Variants in MYO9B observed in about 807,000 individuals in gnomAD.
The protein encoded by MYO9B is unconventional myosin-IXb.
Under a neutral mutation model 229.5 loss-of-function variants are expected in MYO9B, and 71 were observed. The observed-to-expected ratio is 0.31, with a 90% confidence interval of 0.26 to 0.38. The LOEUF (loss-of-function observed/expected upper bound fraction) is 0.38, where lower values mean the gene tolerates loss of function less well. MYO9B is among the 10% of genes least tolerant of loss of function. The pLI is 1.00. For missense variants in MYO9B, 2,255 were observed against 2,920.5 expected, an observed-to-expected ratio of 0.77 and a Z score of 5.25; for synonymous variants, 1,185 against 1,235.8, an observed-to-expected ratio of 0.96 and a Z score of 0.86.
At chr19:17,209,847 C>A in intron 36 of MYO9B, 138 bp downstream of exon 36, 1 of 1,183,880 alleles carries the variant, frequency 8.4e-7, no homozygotes, top group Non-Finnish European at 1.2e-6. Context: ...GTGGGCAGGA[C>A]CTCCCATGCC....
chr19:17,091,145 T>C (rs1359722497), intron 1 of MYO9B, among the ~76,000 whole-genome samples: 2 of 152,132 alleles, frequency 1.3e-5, no homozygotes, highest in Non-Finnish European at 2.9e-5. Flanking sequence ...CAAAGGAGGC[T>C]CCCCAATCCA....
chr19:17,161,830 A>G (rs1021282155), intron 8 of MYO9B, among the ~76,000 whole-genome samples: 3 of 151,842 alleles, frequency 2.0e-5, no homozygotes, highest in Admixed American at 6.6e-5. Context: ...ATATATGTAT[A>G]TATTAAAAAT....
intron 6 of MYO9B, among the ~76,000 whole-genome samples, chr19:17,154,682 T>A (rs1157036505): frequency 6.6e-6 from 1 of 152,126 alleles, no homozygotes; most frequent in Non-Finnish European, 1.5e-5. Context: ...TTAGCCAGGC[T>A]CCACGTGGCT....
chr19:17,114,464 G>A (rs573377269), intron 2 of MYO9B, among the ~76,000 whole-genome samples: 10 of 152,050 alleles, frequency 6.6e-5, no homozygotes, highest in Non-Finnish European at 2.9e-5. Flanking sequence ...CACCGATGAT[G>A]AAGCGGCCCT....
At chr19:17,133,353 A>T (rs554726609) in intron 2 of MYO9B, among the ~76,000 whole-genome samples, 1 of 152,302 alleles carries the variant, frequency 6.6e-6, no homozygotes, top group Non-Finnish European at 1.5e-5. Flanking sequence ...ACCATGTTAT[A>T]CAATAGATCG....
chr19:17,183,803 C>A (rs552317831), intron 15 of MYO9B, 26 bp from the exon 16 acceptor site: 55 of 1,549,492 alleles, frequency 3.5e-5, no homozygotes, highest in Non-Finnish European at 9.6e-6. Context: ...CTTTTGTTCA[C>A]AAAACCATTT....
rs1310850291 is a variant in MYO9B, at chr19:17,075,822, C to A, written c.-111C>A. On this transcript the variant is annotated 5_prime_UTR_variant, in exon 1 of 40. Coordinates refer to ENST00000682292, the MANE Select transcript of MYO9B (RefSeq NM_004145.4). ...GAGCAGCGGCGGGCTGGCAGGCGGTCGTCCGGCCGGGGACCCGGCCCGGGA... is the reference window on the plus strand; with the variant it reads ...GAGCAGCGGCGGGCTGGCAGGCGGTAGTCCGGCCGGGGACCCGGCCCGGGA... 2 of 150,392 alleles carry A rather than the reference C, an allele frequency of 1.3e-5. No homozygotes were observed. Among genetic ancestry groups the A allele is most frequent in the South Asian group, 1.8e-4 (1 of 5,578 alleles). 9.3% of individuals were successfully genotyped at this position (150,392 alleles called of 1,614,324 possible). A position where few individuals can be genotyped will look rare whatever the true frequency, so the allele number is the denominator to read the frequency against.
rs542310624 is a variant in MYO9B, at chr19:17,195,352, G to A, written c.3925G>A (p.Ala1309Thr). ...CCTGGACGCCGAGCGGCTGGCCAGC[G>A]CCGTGGAACTGTGGCGGGGCAAGAA... ...RYLDAERLAS[A>T]VELWRGKKLV... The change falls in exon 22 of 40, where the codon GCC becomes ACC. Residue 1309 changes from alanine to threonine, a missense_variant. By Grantham distance (58) the Ala-to-Thr change is moderately conservative. Coordinates refer to ENST00000682292, the MANE Select transcript of MYO9B (RefSeq NM_004145.4). The surrounding 1 kb of genome is among the most constrained non-coding windows in gnomAD (Gnocchi z 4.5). 5.2e-5 allele frequency: 84 copies of A among 1,612,182 alleles called. No homozygotes were observed. The highest frequency in any genetic ancestry group is 2.2e-4 in the East Asian group (10 of 44,866).
intron 22 of MYO9B, among the ~76,000 whole-genome samples, chr19:17,197,343 G>A (rs914198643): frequency 3.3e-5 from 5 of 152,022 alleles, no homozygotes; most frequent in Non-Finnish European, 5.9e-5. Context: ...TAAAGAGGAT[G>A]GATGGGTGGA....
chr19:17,169,639 C>G (rs1234387767), intron 11 of MYO9B, among the ~76,000 whole-genome samples: 1 of 151,976 alleles, frequency 6.6e-6, no homozygotes, highest in Admixed American at 6.6e-5. Context: ...TGTGCTGCCT[C>G]CAGAGGCTCC....
intron 2 of MYO9B, among the ~76,000 whole-genome samples, chr19:17,130,615 G>A (rs1221194658): frequency 2.0e-5 from 3 of 148,304 alleles, no homozygotes; most frequent in Non-Finnish European, 1.5e-5. Context: ...GCGAGACTCC[G>A]TCTCAAAAAA....
intron 2 of MYO9B, 72 bp downstream of exon 2, chr19:17,102,629 G>C: frequency 6.8e-7 from 1 of 1,465,918 alleles, no homozygotes; most frequent in Middle Eastern, 1.8e-4. Flanking sequence ...GGCCAAGCTC[G>C]GTGGCCCACA....
At chr19:17,210,937 C>G in intron 38 of MYO9B, 89 bp downstream of exon 38, 1 of 1,451,752 alleles carries the variant, frequency 6.9e-7, no homozygotes, top group Non-Finnish European at 9.4e-7. Flanking sequence ...TTGACCTCGC[C>G]AGGTTTGGTC....
chr19:17,191,164 C>T lies in MYO9B; in HGVS notation c.2756C>T (p.Thr919Ile). ...DAQPCREVIS[T>I]LLEKMKIDKR... ...CAGCCCTGCAGGGAGGTCATCTCCACCCTCCTGGAGAAAATGAAGATAGAC... is the reference window on the plus strand; with the variant it reads ...CAGCCCTGCAGGGAGGTCATCTCCATCCTCCTGGAGAAAATGAAGATAGAC... Residue 919 changes from threonine (T) to isoleucine (I), a missense_variant, in exon 20 of 40, where the codon ACC (threonine) becomes ATC (isoleucine). Physicochemically the swap from Thr to Ile is moderately conservative, Grantham distance 89. This residue lies in a region of MYO9B where 679 missense variants were observed against 770.2 expected (regional missense o/e 0.88). Coordinates refer to ENST00000682292, the MANE Select transcript of MYO9B (RefSeq NM_004145.4). 1 of 1,612,364 alleles carries T rather than the reference C, an allele frequency of 6.2e-7. No individual in the cohort carries two copies. The highest frequency in any genetic ancestry group is 1.7e-4 in the Middle Eastern group (1 of 6,060).
chr19:17,123,637 G>T (rs2057987151), intron 2 of MYO9B, among the ~76,000 whole-genome samples: 1 of 151,908 alleles, frequency 6.6e-6, no homozygotes, highest in Non-Finnish European at 1.5e-5. Flanking sequence ...GACGGGTCTT[G>T]AACTCAGGTG....
Position 17,159,428 on chromosome 19 carries a change from A to G in MYO9B, c.1363A>G (p.Lys455Glu). The G allele has an allele frequency of 1.2e-6, 2 of 1,610,522 alleles. No individual in the cohort carries two copies. Among genetic ancestry groups the G allele is most frequent in the South Asian group, 1.1e-5 (1 of 90,164 alleles). ...AGAAATCTTGGTGGAGGTTCTGACCAAAAGAAAAACGGTGACCGTCAACGA... is the reference window on the plus strand; with the variant it reads ...AGAAATCTTGGTGGAGGTTCTGACCGAAAGAAAAACGGTGACCGTCAACGA... ...KREILVEVLTKRKTVTVNDKL... is the reference protein window; with the variant it reads ...KREILVEVLTERKTVTVNDKL... The change falls in exon 8 of 40, where the codon AAA (lysine) becomes GAA (glutamate). Residue 455 changes from lysine to glutamate, a missense_variant. Transcript: ENST00000682292.
intron 3 of MYO9B, among the ~76,000 whole-genome samples, chr19:17,151,159 A>G (rs1301860422): frequency 2.0e-5 from 3 of 151,992 alleles, no homozygotes; most frequent in African/African-American, 4.8e-5. Flanking sequence ...GGCGCCTGTA[A>G]TCTCAGCTAC....
At chr19:17,165,459 C>G (rs1472567914) in intron 10 of MYO9B, among the ~76,000 whole-genome samples, 1 of 151,286 alleles carries the variant, frequency 6.6e-6, no homozygotes, top group Admixed American at 6.6e-5. Context: ...CTAACAATAC[C>G]AGTGGTTTGG....
At chr19:17,206,485 G>A in intron 33 of MYO9B, 109 bp downstream of exon 33, 1 of 1,480,858 alleles carries the variant, frequency 6.8e-7, no homozygotes. Flanking sequence ...CTGAGAAACT[G>A]AGGCCCAAAG....
Sources: allele counts gnomAD v4.1 joint callset (sites outside exome capture counted in the v4.1 genomes callset), GRCh38; gene constraint gnomAD v4.1.1; regional missense constraint gnomAD v4.1.1; non-coding constraint Gnocchi (gnomAD v3.1); transcripts MANE v1.5; gene names NCBI Gene and HGNC (gene_info 2026-07-23, HGNC 2026-07-21).